The following LIMCH1 variants were observed in gnomAD, a reference collection of about 807,000 sequenced individuals.
The protein encoded by LIMCH1 is LIM and calponin homology domains-containing protein 1.
LIMCH1 carries 113 observed loss-of-function variants against 176.5 expected under a neutral mutation model. The ratio of observed to expected loss-of-function variants is 0.64; its 90% CI spans 0.55 to 0.75. The LOEUF is 0.75. Among genes scored for constraint, LIMCH1 ranks in the 30% least tolerant of loss-of-function variants. The probability of loss-of-function intolerance (pLI) is 0.00; values close to 1 mark genes in which losing one functional copy is unlikely to be tolerated. For synonymous variants in LIMCH1, 619 were observed against 645.9 expected (o/e 0.96, Z 0.63); for missense variants, 1,674 against 1,814.9 (o/e 0.92, Z 1.41).
At chr4:41,436,764 A>G (rs2062124543) in intron 1 of LIMCH1, among the ~76,000 whole-genome samples, 1 of 152,062 alleles carries the variant, frequency 6.6e-6, no homozygotes, top group Non-Finnish European at 1.5e-5. Flanking sequence ...GGATTTTGTC[A>G]GCGTCTGGGT....
chr4:41,492,934 T>C (rs2071357587), intron 1 of LIMCH1, among the ~76,000 whole-genome samples: 1 of 152,132 alleles, frequency 6.6e-6, no homozygotes, highest in Non-Finnish European at 1.5e-5. Context: ...CAGACTTTCC[T>C]GGAAAAAAAT....
intron 29 of LIMCH1, 107 bp downstream of exon 29, chr4:41,688,024 T>C: frequency 1.2e-6 from 1 of 809,550 alleles, no homozygotes; most frequent in Non-Finnish European, 2.1e-6. Flanking sequence ...GAGGGATGTG[T>C]CCATCCACAT....
At chr4:41,607,427 C>T (rs1395688193) in intron 4 of LIMCH1, among the ~76,000 whole-genome samples, 1 of 152,200 alleles carries the variant, frequency 6.6e-6, no homozygotes, top group African/African-American at 2.4e-5. Context: ...TAAATAAACA[C>T]AGACACACAA....
At chr4:41,639,032 T>TA (rs2093711155) in intron 14 of LIMCH1, 65 bp downstream of exon 14, 1 of 1,194,266 alleles carries the variant, frequency 8.4e-7, no homozygotes, top group Non-Finnish European at 1.2e-6. Context: ...TTCCAGTACT[T>TA]ACCACTAATT....
At chr4:41,449,442 A>T (rs1304726807) in intron 1 of LIMCH1, among the ~76,000 whole-genome samples, 2 of 152,064 alleles carry the variant, frequency 1.3e-5, no homozygotes, top group African/African-American at 4.8e-5. Context: ...TTATTGTAAC[A>T]ATATATTTAT....
chr4:41,534,968 C>A (rs912004806), upstream of LIMCH1, among the ~76,000 whole-genome samples: 1 of 151,870 alleles, frequency 6.6e-6, no homozygotes, highest in Non-Finnish European at 1.5e-5. Flanking sequence ...CAAGACCAGC[C>A]TAGGCAACAT....
chr4:41,487,147 C>T (rs186292969), intron 1 of LIMCH1, among the ~76,000 whole-genome samples: 2 of 152,118 alleles, frequency 1.3e-5, no homozygotes, highest in Non-Finnish European at 1.5e-5. Flanking sequence ...GTGTGAGCCA[C>T]CACGCCCGGC....
upstream of LIMCH1, among the ~76,000 whole-genome samples, chr4:41,535,315 C>T (rs1389383401): frequency 6.6e-6 from 1 of 152,022 alleles, no homozygotes; most frequent in African/African-American, 2.4e-5. Flanking sequence ...TATTAATTTG[C>T]TCTGATGGCC....
chr4:41,684,449 C>A lies in LIMCH1; in HGVS notation c.3898C>A (p.His1300Asn), dbSNP rs1718926149. The stretch of plus-strand genomic sequence containing the variant: ...TGGGAACCCTGTATCAAAAGGAGTC[C>A]ATGAAGACCATCAGCTGGATACCGA... ...HSGNPVSKGV[H>N]EDHQLDTEAG... Residue 1300 changes from histidine to asparagine, a missense_variant, in exon 27 of 32, where the codon CAT becomes AAT. Coordinates refer to ENST00000503057, the MANE Select transcript of LIMCH1 (RefSeq NM_001330672.2). 1.9e-6 allele frequency: 3 copies of A among 1,613,704 alleles called. No homozygotes were observed. Among genetic ancestry groups the A allele is most frequent in the Non-Finnish European group, 2.5e-6 (3 of 1,179,806 alleles).
upstream of LIMCH1, among the ~76,000 whole-genome samples, chr4:41,535,482 G>A (rs1269756517): frequency 3.9e-5 from 6 of 152,184 alleles, no homozygotes; most frequent in East Asian, 7.7e-4. Flanking sequence ...GCATCTTCAC[G>A]TGGTCTTTCC....
intron 1 of LIMCH1, among the ~76,000 whole-genome samples, chr4:41,480,444 T>TC (rs2068403884): frequency 1.3e-5 from 2 of 152,118 alleles, no homozygotes; most frequent in South Asian, 4.2e-4. Context: ...CCGGCTCCAC[T>TC]AAAAATACAA....
At position 41,593,516 on chromosome 4, in the gene LIMCH1, A is replaced by G. The variant is rs555046279; in HGVS notation, c.-240-5404A>G. On this transcript the variant is annotated intron_variant, in intron 1 of 31. Coordinates refer to ENST00000503057, the MANE Select transcript of LIMCH1 (RefSeq NM_001330672.2). ...AATTTTGTGGAATAGATTTTTACCAATGAAGTCACAATCCTACCTAGTTGA... is the reference window on the plus strand; with the variant it reads ...AATTTTGTGGAATAGATTTTTACCAGTGAAGTCACAATCCTACCTAGTTGA... 5.9e-5 allele frequency among the ~76,000 whole-genome samples: 9 copies of G among 152,338 alleles called. No individual in the cohort carries two copies. In the South Asian group the frequency reaches 1.7e-3, roughly 28 times the overall value.
chr4:41,390,271 A>AGAGAGAGC (rs1339324639), intron 1 of LIMCH1, among the ~76,000 whole-genome samples: 7 of 150,386 alleles, frequency 4.7e-5, no homozygotes, highest in African/African-American at 1.5e-4. Context: ...AGAGAGAGAG[A>AGAGAGAGC]GAGCGAGAGC....
intron 5 of LIMCH1, among the ~76,000 whole-genome samples, chr4:41,617,745 CT>C (rs1296630589): frequency 6.6e-6 from 1 of 152,170 alleles, no homozygotes; most frequent in Non-Finnish European, 1.5e-5. Context: ...ATCATTTAAC[CT>C]CCAGGGCAAA....
chr4:41,449,376 C>T (rs1294728591), intron 1 of LIMCH1, among the ~76,000 whole-genome samples: 1 of 152,216 alleles, frequency 6.6e-6, no homozygotes, highest in Non-Finnish European at 1.5e-5. Context: ...TTTCCTTACT[C>T]TCTGAAGCCC....
At chr4:41,372,490 A>T (rs1028101083) in intron 1 of LIMCH1, among the ~76,000 whole-genome samples, 1 of 152,186 alleles carries the variant, frequency 6.6e-6, no homozygotes, top group African/African-American at 2.4e-5. Flanking sequence ...ATAGATATTA[A>T]TAGTTTGGGC....
chr4:41,525,486 G>C (rs1314731867), intron 3 of LIMCH1, among the ~76,000 whole-genome samples: 2 of 152,132 alleles, frequency 1.3e-5, no homozygotes, highest in East Asian at 3.9e-4. Flanking sequence ...GAATTGTGGG[G>C]GGTCCTTGTG....
At chr4:41,600,752 C>T (rs931954495) in intron 2 of LIMCH1, among the ~76,000 whole-genome samples, 1 of 151,810 alleles carries the variant, frequency 6.6e-6, no homozygotes, top group Non-Finnish European at 1.5e-5. Context: ...GATTCTGGGT[C>T]AAGCTTGCTC....
At chr4:41,571,024 G>T (rs2083468753) in intron 1 of LIMCH1, among the ~76,000 whole-genome samples, 1 of 152,118 alleles carries the variant, frequency 6.6e-6, no homozygotes, top group Non-Finnish European at 1.5e-5. Context: ...ACCGTAAGAG[G>T]ATTTGTACCA....
Sources: allele counts gnomAD v4.1 joint callset (sites outside exome capture counted in the v4.1 genomes callset), GRCh38; gene constraint gnomAD v4.1.1; transcripts MANE v1.5; gene names NCBI Gene and HGNC (gene_info 2026-07-23, HGNC 2026-07-21).